The following PRKD1 variants were observed in gnomAD, a reference collection of about 807,000 sequenced individuals.
The protein encoded by PRKD1 is protein kinase D1.
PRKD1 carries 63 observed loss-of-function variants against 95.9 expected under a neutral mutation model. That is an observed-to-expected ratio of 0.66 (90% CI 0.54 to 0.81). PRKD1 has a LOEUF of 0.81. PRKD1 is among the 30% of genes least tolerant of loss of function. PRKD1 has a pLI of 0.00. For synonymous variants in PRKD1, 425 were observed against 423.1 expected (o/e 1.00, Z -0.05); for missense variants, 1,048 against 1,165.3 (o/e 0.90, Z 1.47).
At chr14:29,852,057 A>G (rs187498380) in intron 1 of PRKD1, among the ~76,000 whole-genome samples, 232 of 152,272 alleles carry the variant, frequency 1.5e-3, no homozygotes, top group Non-Finnish European at 2.1e-3. Flanking sequence ...AAAGATAGGA[A>G]CAACAGACAC....
intron 1 of PRKD1, among the ~76,000 whole-genome samples, chr14:29,737,126 T>C (rs1263026755): frequency 9.3e-5 from 14 of 150,752 alleles, no homozygotes; most frequent in African/African-American, 3.4e-4. Context: ...ATCGAGACCA[T>C]CCTGGCTAAC....
intron 4 of PRKD1, among the ~76,000 whole-genome samples, chr14:29,639,560 G>A (rs45553635): frequency 0.028 from 4,256 of 151,638 alleles, 182 homozygotes; most frequent in African/African-American, 0.091. Context: ...CAGAGGTTGT[G>A]GTGAGCCAAT....
intron 2 of PRKD1, among the ~76,000 whole-genome samples, chr14:29,676,285 A>G (rs989234492): frequency 3.4e-5 from 5 of 146,138 alleles, no homozygotes; most frequent in Middle Eastern, 3.8e-3. Context: ...CAGTTTACTC[A>G]TTCACCTGGG....
chr14:29,852,305 G>C (rs1481193412), intron 1 of PRKD1, among the ~76,000 whole-genome samples: 1 of 151,880 alleles, frequency 6.6e-6, no homozygotes, highest in African/African-American at 2.4e-5. Flanking sequence ...AAAAGAAAAA[G>C]GAAATTATGA....
chr14:29,720,011 A>G (rs1885808457), intron 2 of PRKD1, among the ~76,000 whole-genome samples: 1 of 152,214 alleles, frequency 6.6e-6, no homozygotes, highest in African/African-American at 2.4e-5. Flanking sequence ...TAATTCCTTT[A>G]AAGTTGTTTA....
At chr14:29,684,796 T>C (rs1047644112) in intron 2 of PRKD1, among the ~76,000 whole-genome samples, 54 of 152,304 alleles carry the variant, frequency 3.5e-4, no homozygotes, top group African/African-American at 1.2e-3. Context: ...TCTGAAAATA[T>C]ACTTGGCTTC....
At chr14:29,741,047 TAA>T (rs1240628341) in intron 1 of PRKD1, among the ~76,000 whole-genome samples, 73 of 152,108 alleles carry the variant, frequency 4.8e-4, no homozygotes, top group Non-Finnish European at 1.2e-4. Context: ...AAGCGGGAGC[TAA>T]ATGATGAGAA....
intron 1 of PRKD1, among the ~76,000 whole-genome samples, chr14:29,882,758 T>C (rs1444953692): frequency 2.0e-5 from 3 of 152,238 alleles, no homozygotes; most frequent in Non-Finnish European, 4.4e-5. Flanking sequence ...TTTGTTTTTT[T>C]GTGACTGGTT....
chr14:29,822,381 A>G (rs1471980942), intron 1 of PRKD1, among the ~76,000 whole-genome samples: 10 of 152,190 alleles, frequency 6.6e-5, no homozygotes, highest in Admixed American at 6.5e-4. Context: ...TTTAGTGAGC[A>G]TTTCTCTTGG....
chr14:29,873,071 T>C (rs1009449063), intron 1 of PRKD1, among the ~76,000 whole-genome samples: 6 of 152,042 alleles, frequency 3.9e-5, no homozygotes, highest in Non-Finnish European at 7.4e-5. Flanking sequence ...CTGCCTATAC[T>C]ACTTTTTTTT....
intron 4 of PRKD1, among the ~76,000 whole-genome samples, chr14:29,649,041 C>G (rs533019763): frequency 7.2e-5 from 11 of 152,190 alleles, no homozygotes; most frequent in Non-Finnish European, 1.2e-4. Flanking sequence ...TAAAACTTCA[C>G]AGGGGTATCT....
At chr14:29,810,257 A>C (rs1233226585) in intron 1 of PRKD1, among the ~76,000 whole-genome samples, 1 of 152,206 alleles carries the variant, frequency 6.6e-6, no homozygotes, top group Non-Finnish European at 1.5e-5. Context: ...GTGCTACTGG[A>C]AAAATGGCAA....
intron 2 of PRKD1, among the ~76,000 whole-genome samples, chr14:29,672,306 A>G (rs371666141): frequency 8.6e-5 from 13 of 151,914 alleles, no homozygotes; most frequent in Non-Finnish European, 7.4e-5. Context: ...GTGCCACTGC[A>G]CTCCAGCCTG....
At chr14:29,869,964 CT>C (rs1375312633) in intron 1 of PRKD1, among the ~76,000 whole-genome samples, 1 of 152,150 alleles carries the variant, frequency 6.6e-6, no homozygotes, top group Non-Finnish European at 1.5e-5. Flanking sequence ...TGCCCACTTT[CT>C]CCTTTCCTCA....
At chr14:29,733,157 C>T (rs1157055298) in intron 1 of PRKD1, among the ~76,000 whole-genome samples, 1 of 149,694 alleles carries the variant, frequency 6.7e-6, no homozygotes, top group Non-Finnish European at 1.5e-5. Context: ...GGCTGGAGTG[C>T]AGTGGCGCAA....
intron 15 of PRKD1, among the ~76,000 whole-genome samples, chr14:29,598,631 T>C (rs969253639): frequency 1.3e-5 from 2 of 152,210 alleles, no homozygotes; most frequent in South Asian, 2.1e-4. Flanking sequence ...TTCAGACCTA[T>C]AATTCCCTGC....
chr14:29,867,459 T>C (rs567488724), intron 1 of PRKD1, among the ~76,000 whole-genome samples: 5 of 152,310 alleles, frequency 3.3e-5, no homozygotes, highest in East Asian at 3.9e-4. Context: ...CCTGGCCTCA[T>C]CTGTGCACAG....
chr14:29,703,854 T>G (rs1422003611), intron 2 of PRKD1, among the ~76,000 whole-genome samples: 1 of 152,152 alleles, frequency 6.6e-6, no homozygotes, highest in Non-Finnish European at 1.5e-5. Context: ...AATCAAGATT[T>G]GAATACTTGT....
chr14:29,703,439 T>C (rs1405692400), intron 2 of PRKD1, among the ~76,000 whole-genome samples: 1 of 152,172 alleles, frequency 6.6e-6, no homozygotes, highest in African/African-American at 2.4e-5. Context: ...ACAGTTTCTA[T>C]TGCTCTTAAC....
Sources: gnomAD v4.1 joint callset for allele counts (sites outside exome capture counted in the v4.1 genomes callset) on GRCh38, gnomAD v4.1.1 for gene constraint, MANE v1.5 for transcripts, NCBI Gene and HGNC (gene_info 2026-07-23, HGNC 2026-07-21) for gene names.